Variants in FCHO2 observed in about 807,000 individuals in gnomAD.
FCHO2 encodes F-BAR domain only protein 2.
A neutral mutation model predicts 114.1 loss-of-function variants in FCHO2; 43 were observed. The observed-to-expected ratio is 0.38, with a 90% confidence interval of 0.30 to 0.49. FCHO2 has a LOEUF of 0.49. FCHO2 is among the 20% of genes least tolerant of loss of function. FCHO2 has a pLI of 0.97. For synonymous variants in FCHO2, 293 were observed against 315.2 expected (o/e 0.93, Z 0.75); for missense variants, 807 against 950.4 (o/e 0.85, Z 1.98).
chr5:73,087,529 A>G, intron 24 of FCHO2, 60 bp from the exon 25 acceptor site: 2 of 1,570,278 alleles, frequency 1.3e-6, no homozygotes, highest in Non-Finnish European at 1.7e-6. Context: ...TGCTCATTTG[A>G]TTCTATTTTG....
At position 73,078,173 on chromosome 5, in the gene FCHO2, T is replaced by G; in HGVS notation, c.1848-7T>G. The G allele has an allele frequency of 6.6e-7, 1 of 1,508,976 alleles. No individual in the cohort carries two copies. The highest frequency in any genetic ancestry group is 2.3e-5 in the Admixed American group (1 of 42,704). The allele number at this position is 1,508,976 out of a possible 1,614,324, so 93.5% of individuals were successfully genotyped here. ...TAAAATAACAAATATATTTTTTATA[T>G]ATGTAGTGATCCATCACAATGTGAT... On this transcript the variant is annotated splice_polypyrimidine_tract_variant and splice_region_variant and intron_variant, in intron 21 of 25. Coordinates refer to ENST00000430046, the MANE Select transcript of FCHO2 (RefSeq NM_138782.3).
At chr5:73,061,097 C>T (rs917154389) in intron 17 of FCHO2, among the ~76,000 whole-genome samples, 3 of 151,614 alleles carry the variant, frequency 2.0e-5, no homozygotes, top group African/African-American at 7.3e-5. Flanking sequence ...GTCCGATGTA[C>T]TTCCTGGGGG....
chr5:73,049,123 G>A (rs547083544), intron 11 of FCHO2, among the ~76,000 whole-genome samples: 3 of 151,952 alleles, frequency 2.0e-5, no homozygotes, highest in East Asian at 3.9e-4. Flanking sequence ...TGATCCGCCC[G>A]CCTCGGCCTC....
At chr5:72,989,975 A>G (rs1182882066) in intron 3 of FCHO2, among the ~76,000 whole-genome samples, 1 of 151,978 alleles carries the variant, frequency 6.6e-6, no homozygotes, top group African/African-American at 2.4e-5. Flanking sequence ...TTGAAAAATG[A>G]AAATAATGAA....
intron 2 of FCHO2, among the ~76,000 whole-genome samples, chr5:72,977,224 TA>T (rs1346114489): frequency 2.0e-5 from 3 of 152,222 alleles, no homozygotes; most frequent in Non-Finnish European, 4.4e-5. Context: ...ATGGTTGAAC[TA>T]ATTTACACTC....
chr5:73,081,664 T>A, intron 22 of FCHO2, 119 bp from the exon 23 acceptor site: 1 of 641,370 alleles, frequency 1.6e-6, no homozygotes. Flanking sequence ...TGCCAACAGA[T>A]AGTCCCCTCA....
intron 8 of FCHO2, 100 bp downstream of exon 8, chr5:73,017,408 T>G: frequency 1.7e-6 from 1 of 603,236 alleles, no homozygotes. Flanking sequence ...AATTTTAACT[T>G]TATATCACAT....
chr5:72,997,707 C>T, intron 5 of FCHO2: 1 of 1,519,214 alleles, frequency 6.6e-7, no homozygotes, highest in South Asian at 1.2e-5. Context: ...CCTTGGGATA[C>T]CGTTTGATGC....
rs1743374479 is a variant in FCHO2, at chr5:73,088,216, A to G, written c.*126A>G. 4 of 1,258,198 alleles carry G rather than the reference A, an allele frequency of 3.2e-6. No homozygotes were observed. Among genetic ancestry groups the G allele is most frequent in the Non-Finnish European group, 4.5e-6 (4 of 885,744 alleles). The allele number at this position is 1,258,198 out of a possible 1,614,324, so 77.9% of individuals were successfully genotyped here. ...ACTTAGACATATTTGAGAGCTGACT[A>G]CAAACATTAAATCGCACTTTTAAAG... On this transcript the variant is annotated 3_prime_UTR_variant, in exon 26 of 26. Transcript: ENST00000430046.
chr5:73,073,182 A>G (rs1255490822), intron 19 of FCHO2, among the ~76,000 whole-genome samples: 1 of 152,000 alleles, frequency 6.6e-6, no homozygotes, highest in Non-Finnish European at 1.5e-5. Flanking sequence ...GCTTTCACCT[A>G]ACTGCTCTCA....
At chr5:73,028,480 TA>T (rs1484921714) in intron 8 of FCHO2, among the ~76,000 whole-genome samples, 3 of 152,096 alleles carry the variant, frequency 2.0e-5, no homozygotes, top group Non-Finnish European at 2.9e-5. Flanking sequence ...AAATGTCCAT[TA>T]ACAGATGAAC....
At chr5:73,013,695 TCTCA>T (rs1755145735) in intron 6 of FCHO2, among the ~76,000 whole-genome samples, 1 of 152,084 alleles carries the variant, frequency 6.6e-6, no homozygotes, top group Admixed American at 6.6e-5. Flanking sequence ...CAAGATGGAG[TCTCA>T]CTCTGTCGCC....
At chr5:73,078,151 A>G in intron 21 of FCHO2, 29 bp from the exon 22 acceptor site, 1 of 1,439,638 alleles carries the variant, frequency 6.9e-7, no homozygotes. Context: ...AAGTCAATAA[A>G]ATAACAAATA....
chr5:73,020,733 A>G (rs1755569971), intron 8 of FCHO2: 4 of 1,190,336 alleles, frequency 3.4e-6, no homozygotes, highest in East Asian at 2.3e-5. Flanking sequence ...TCTGTTCTAC[A>G]TCCACCTTCT....
chr5:73,013,624 G>A (rs893443722), intron 6 of FCHO2, among the ~76,000 whole-genome samples: 3 of 152,140 alleles, frequency 2.0e-5, no homozygotes, highest in South Asian at 2.1e-4. Flanking sequence ...AGAAAATGCC[G>A]GGTTAAGCAA....
intron 24 of FCHO2, among the ~76,000 whole-genome samples, chr5:73,086,467 A>C (rs1479422526): frequency 6.6e-6 from 1 of 152,230 alleles, no homozygotes; most frequent in Non-Finnish European, 1.5e-5. Context: ...GCTAGTACCT[A>C]GCATTTCTGT....
chr5:73,056,299 T>A (rs1447539346), intron 16 of FCHO2, among the ~76,000 whole-genome samples, 192 bp downstream of exon 16: 1 of 152,196 alleles, frequency 6.6e-6, no homozygotes, highest in East Asian at 1.9e-4. Context: ...GAACCTGCAT[T>A]GACACATCAT....
chr5:73,031,272 C>G (rs971307076), intron 8 of FCHO2, among the ~76,000 whole-genome samples: 1 of 152,190 alleles, frequency 6.6e-6, no homozygotes, highest in Non-Finnish European at 1.5e-5. Flanking sequence ...GCACACACCC[C>G]TTCATTATCA....
At chr5:72,992,318 C>T (rs1753852025) in intron 5 of FCHO2, among the ~76,000 whole-genome samples, 1 of 152,052 alleles carries the variant, frequency 6.6e-6, no homozygotes, top group African/African-American at 2.4e-5. Flanking sequence ...ACAGTAAATT[C>T]ATGGTTTGAA....
Sources: gnomAD v4.1 joint callset for allele counts (sites outside exome capture counted in the v4.1 genomes callset) on GRCh38, gnomAD v4.1.1 for gene constraint, MANE v1.5 for transcripts, NCBI Gene and HGNC (gene_info 2026-07-23, HGNC 2026-07-21) for gene names.